Variants in TMEFF2 observed in about 807,000 individuals in gnomAD.
TMEFF2 encodes the protein tomoregulin-2.
TMEFF2 carries 28 observed loss-of-function variants against 53.8 expected under a neutral mutation model. The observed-to-expected ratio is 0.52, with a 90% CI of 0.39 to 0.71. TMEFF2 has a LOEUF of 0.71. Ranked by LOEUF, TMEFF2 falls within the 30% of genes least tolerant of loss-of-function variation. The pLI is 0.00. For missense variants in TMEFF2, 353 were observed against 455.2 expected, an observed-to-expected ratio of 0.78 and a Z score of 2.04; for synonymous variants, 162 against 166.3, an observed-to-expected ratio of 0.97 and a Z score of 0.20.
At chr2:191,964,495 A>C (rs1052714776) in intron 7 of TMEFF2, among the ~76,000 whole-genome samples, 4 of 148,976 alleles carry the variant, frequency 2.7e-5, no homozygotes, top group African/African-American at 9.9e-5. Context: ...CAACCCCTCC[A>C]TCATCCTCAA....
At chr2:191,985,421 A>G (rs1030625600) in intron 7 of TMEFF2, among the ~76,000 whole-genome samples, 2 of 152,198 alleles carry the variant, frequency 1.3e-5, no homozygotes, top group African/African-American at 2.4e-5. Flanking sequence ...ACCAGTCTGT[A>G]TCAGAGGGAT....
At chr2:192,096,429 T>C (rs1479982745) in intron 4 of TMEFF2, among the ~76,000 whole-genome samples, 2 of 152,262 alleles carry the variant, frequency 1.3e-5, no homozygotes, top group East Asian at 1.9e-4. Context: ...TCATTCTACA[T>C]ATAAGAGATA....
intron 5 of TMEFF2, chr2:192,036,799 T>G (rs1396460114): frequency 6.6e-6 from 1 of 152,230 alleles, no homozygotes; most frequent in Non-Finnish European, 1.5e-5. Context: ...AACAGATCTT[T>G]GCATAGCTGG....
intron 5 of TMEFF2, among the ~76,000 whole-genome samples, chr2:192,049,517 T>G (rs1687711748): frequency 6.6e-6 from 1 of 152,102 alleles, no homozygotes; most frequent in African/African-American, 2.4e-5. Flanking sequence ...CACTGGGACA[T>G]CGGAACATGG....
At chr2:192,045,828 A>T (rs4429414) in intron 5 of TMEFF2, among the ~76,000 whole-genome samples, 8 of 152,154 alleles carry the variant, frequency 5.3e-5, no homozygotes, top group African/African-American at 1.2e-4. Flanking sequence ...AAGAGACAGC[A>T]GTTTGTCCTC....
At chr2:192,190,952 T>C (rs1691447508) in intron 2 of TMEFF2, among the ~76,000 whole-genome samples, 1 of 152,174 alleles carries the variant, frequency 6.6e-6, no homozygotes, top group Non-Finnish European at 1.5e-5. Context: ...TTTATGTGCA[T>C]ATTTCCTGGT....
intron 2 of TMEFF2, among the ~76,000 whole-genome samples, chr2:192,185,437 G>T (rs1338137652): frequency 6.6e-6 from 1 of 151,886 alleles, no homozygotes; most frequent in African/African-American, 2.4e-5. Flanking sequence ...GCTCACCTAT[G>T]CCAGAAACTA....
chr2:192,103,438 T>A (rs1269886905), intron 4 of TMEFF2, among the ~76,000 whole-genome samples: 1 of 152,130 alleles, frequency 6.6e-6, no homozygotes, highest in African/African-American at 2.4e-5. Flanking sequence ...TGCCCTCTTT[T>A]GTTTCTCCTT....
At chr2:192,151,634 C>G (rs1690391432) in intron 4 of TMEFF2, among the ~76,000 whole-genome samples, 1 of 151,802 alleles carries the variant, frequency 6.6e-6, no homozygotes, top group Admixed American at 6.6e-5. Context: ...GTCCCCCAGA[C>G]TAGAAGTGTA....
At chr2:192,012,030 G>A (rs1323514117) in intron 5 of TMEFF2, among the ~76,000 whole-genome samples, 1 of 152,008 alleles carries the variant, frequency 6.6e-6, no homozygotes, top group African/African-American at 2.4e-5. Flanking sequence ...GGGACTATAG[G>A]CGCCCACGAC....
At chr2:192,070,024 ATATATATATATATATATAT>A (rs1688258791) in intron 4 of TMEFF2, among the ~76,000 whole-genome samples, 1 of 128,762 alleles carries the variant, frequency 7.8e-6, no homozygotes, top group African/African-American at 3.2e-5. Flanking sequence ...ATATATATAT[ATATATATATATATATATAT>A]GTCTTCACGT....
At chr2:192,193,753 T>G (rs556076909) in intron 1 of TMEFF2, among the ~76,000 whole-genome samples, 1,801 of 122,674 alleles carry the variant, frequency 0.015, 48 homozygotes, top group African/African-American at 0.037. Flanking sequence ...GAGAGAGAGA[T>G]AGATAGATAG....
chr2:192,039,145 G>A (rs888951619), intron 5 of TMEFF2, among the ~76,000 whole-genome samples: 11 of 152,092 alleles, frequency 7.2e-5, no homozygotes, highest in Non-Finnish European at 1.0e-4. Flanking sequence ...GGCAATAGAC[G>A]AATAACTGGG....
intron 5 of TMEFF2, among the ~76,000 whole-genome samples, chr2:192,045,661 C>G (rs1476603792): frequency 2.0e-5 from 3 of 152,122 alleles, no homozygotes; most frequent in Admixed American, 1.3e-4. Flanking sequence ...GACATAGACT[C>G]CTACTCACCA....
In TMEFF2 at chr2:192,038,453, AT is replaced by A. The variant is rs890690031; in HGVS notation, c.536+19225del. Among the ~76,000 whole-genome samples, 548 of 151,052 alleles carry A rather than the reference AT, an allele frequency of 3.6e-3. 5 individuals carry two copies. Among genetic ancestry groups the A allele is most frequent in the South Asian group, 0.015 (71 of 4,770 alleles). On this transcript the variant is annotated intron_variant, in intron 5 of 9. Coordinates refer to ENST00000272771, the MANE Select transcript of TMEFF2 (RefSeq NM_016192.4). ...CAATAATACTTAGTTGTTATTTTAA[AT>A]TTTTTTTTTAAACCTTTCAAACCTA...
At chr2:192,129,797 C>G (rs1461203726) in intron 4 of TMEFF2, among the ~76,000 whole-genome samples, 1 of 152,182 alleles carries the variant, frequency 6.6e-6, no homozygotes, top group Non-Finnish European at 1.5e-5. Context: ...GTACATACAT[C>G]ATAAAACAGT....
intron 7 of TMEFF2, among the ~76,000 whole-genome samples, chr2:191,964,386 CTT>C (rs1184602927): frequency 0.15 from 5,183 of 33,946 alleles, 142 homozygotes; most frequent in Admixed American, 0.18. Flanking sequence ...TTCTTTCTTT[CTT>C]TCTTTCTTTC....
At chr2:192,183,547 G>A (rs901218695) in intron 3 of TMEFF2, among the ~76,000 whole-genome samples, 2 of 152,004 alleles carry the variant, frequency 1.3e-5, no homozygotes, top group East Asian at 1.9e-4. Flanking sequence ...TGACTTTCCA[G>A]AAAGATGCTT....
chr2:192,005,265 C>T (rs996663855), intron 5 of TMEFF2, among the ~76,000 whole-genome samples: 2 of 152,138 alleles, frequency 1.3e-5, no homozygotes, highest in African/African-American at 4.8e-5. Flanking sequence ...TTGTAACTAT[C>T]TCATCAATAT....
Sources: gnomAD v4.1 joint callset for allele counts (sites outside exome capture counted in the v4.1 genomes callset) on GRCh38, gnomAD v4.1.1 for gene constraint, MANE v1.5 for transcripts, NCBI Gene and HGNC (gene_info 2026-07-23, HGNC 2026-07-21) for gene names.